The following RBMS3 variants were observed in gnomAD, a reference collection of about 807,000 sequenced individuals.
RBMS3 encodes RNA binding motif single stranded interacting protein 3.
In RBMS3, 27 loss-of-function variants were observed where a neutral mutation model predicts 66.8. That is an observed-to-expected ratio of 0.40 (90% CI 0.30 to 0.56). The LOEUF (loss-of-function observed/expected upper bound fraction) is 0.56, where lower values mean the gene tolerates loss of function less well. Among genes scored for constraint, RBMS3 ranks in the 20% least tolerant of loss-of-function variants. The pLI, the probability that RBMS3 is intolerant of heterozygous loss-of-function variation, is 0.40. For missense variants in RBMS3, 513 were observed against 549.5 expected, an observed-to-expected ratio of 0.93 and a Z score of 0.66; for synonymous variants, 188 against 183.0, an observed-to-expected ratio of 1.03 and a Z score of -0.22.
chr3:29,312,990 A>G (rs558295719), intron 1 of RBMS3, among the ~76,000 whole-genome samples: 143 of 151,828 alleles, frequency 9.4e-4, no homozygotes, highest in African/African-American at 3.4e-3. Flanking sequence ...ATGGAGAAGG[A>G]TGAGAGAGTC....
At chr3:29,972,503 A>G (rs189925830) in intron 12 of RBMS3, among the ~76,000 whole-genome samples, 1 of 151,998 alleles carries the variant, frequency 6.6e-6, no homozygotes, top group East Asian at 1.9e-4. Context: ...TCTTGGATCA[A>G]CCTCTAATAT....
chr3:29,878,280 C>T (rs904479531), intron 7 of RBMS3, among the ~76,000 whole-genome samples: 1 of 152,156 alleles, frequency 6.6e-6, no homozygotes, highest in Middle Eastern at 3.4e-3. Context: ...TTTGCGGCCC[C>T]AGGGTTGGAG....
intron 8 of RBMS3, among the ~76,000 whole-genome samples, chr3:29,890,534 C>A (rs887324213): frequency 6.6e-6 from 1 of 151,540 alleles, no homozygotes; most frequent in African/African-American, 2.4e-5. Flanking sequence ...TATTGTTCAA[C>A]GTTGCTTAAT....
chr3:29,300,424 A>C (rs182897278), intron 1 of RBMS3, among the ~76,000 whole-genome samples: 1 of 152,132 alleles, frequency 6.6e-6, no homozygotes, highest in African/African-American at 2.4e-5. Flanking sequence ...CAATAAAGGA[A>C]TAGATTAAAT....
intron 1 of RBMS3, among the ~76,000 whole-genome samples, chr3:29,362,238 C>T (rs549959393): frequency 2.5e-4 from 38 of 152,208 alleles, no homozygotes; most frequent in African/African-American, 9.1e-4. Flanking sequence ...TGTGGATGTC[C>T]TTTCTGTTTG....
At chr3:29,702,675 C>T (rs899975998) in intron 4 of RBMS3, among the ~76,000 whole-genome samples, 1 of 152,138 alleles carries the variant, frequency 6.6e-6, no homozygotes, top group East Asian at 1.9e-4. Context: ...GAATGAACAA[C>T]TCTGGATGAG....
Position 29,657,317 on chromosome 3 carries a change from T to A in RBMS3, c.399+70112T>A, listed in dbSNP as rs367917413. 1.2e-4 allele frequency among the ~76,000 whole-genome samples: 19 copies of A among 152,368 alleles called. No individual in the cohort carries two copies. The East Asian group carries it at 3.1e-3, about 25-fold the overall frequency. On this transcript the variant is annotated intron_variant, in intron 4 of 14. Transcript: ENST00000383767. ...TACTCTGTTGCAGCTCTGCAGCTAT[T>A]ATACTAGCTTCTCGATTTTCATTAA... is the stretch of plus-strand genomic sequence containing the variant.
chr3:29,747,451 T>TAGATA (rs1553655865), intron 5 of RBMS3, among the ~76,000 whole-genome samples: 13 of 145,066 alleles, frequency 9.0e-5, no homozygotes, highest in African/African-American at 2.1e-4. Context: ...GATAGATAGA[T>TAGATA]GTCAGGTCAC....
chr3:29,413,246 T>C (rs1245829987), intron 1 of RBMS3, among the ~76,000 whole-genome samples: 3 of 152,168 alleles, frequency 2.0e-5, no homozygotes, highest in Non-Finnish European at 4.4e-5. Context: ...GGTGTGCACC[T>C]GTAATCCCAG....
intron 3 of RBMS3, among the ~76,000 whole-genome samples, chr3:29,499,355 GA>G (rs1315102582): frequency 6.6e-6 from 1 of 151,944 alleles, no homozygotes; most frequent in African/African-American, 2.4e-5. Flanking sequence ...TCTGGGGTAT[GA>G]AAGAGAAAAA....
At chr3:29,666,351 T>C (rs1356562639) in intron 4 of RBMS3, among the ~76,000 whole-genome samples, 1 of 152,236 alleles carries the variant, frequency 6.6e-6, no homozygotes, top group Non-Finnish European at 1.5e-5. Context: ...ATTTTTGCAA[T>C]TGTTACTGCT....
Position 29,336,313 on chromosome 3 carries a change from C to T in RBMS3, c.75+54557C>T, listed in dbSNP as rs553420386. On this transcript the variant is annotated intron_variant, in intron 1 of 14. Coordinates refer to ENST00000383767, the MANE Select transcript of RBMS3 (RefSeq NM_001003793.3). ...GGATGCTTTCTGATCCAAACTATACCATGGCAGTTGTGTTTTTTTGCAAGG... is the reference window on the plus strand; with the variant it reads ...GGATGCTTTCTGATCCAAACTATACTATGGCAGTTGTGTTTTTTTGCAAGG... Among the ~76,000 whole-genome samples, 4 of 152,204 alleles carry T rather than the reference C, an allele frequency of 2.6e-5. No individual in the cohort carries two copies. The East Asian group carries it at 5.8e-4, about 22-fold the overall frequency.
At chr3:29,636,504 G>A (rs2049479499) in intron 4 of RBMS3, among the ~76,000 whole-genome samples, 1 of 151,888 alleles carries the variant, frequency 6.6e-6, no homozygotes, top group South Asian at 2.1e-4. Context: ...TGGAAGGCTG[G>A]TAATCTGTTT....
At chr3:29,521,546 A>G (rs1228799257) in intron 3 of RBMS3, among the ~76,000 whole-genome samples, 1 of 152,184 alleles carries the variant, frequency 6.6e-6, no homozygotes, top group African/African-American at 2.4e-5. Context: ...TACTGGGAGT[A>G]AACTTTCTTT....
intron 4 of RBMS3, among the ~76,000 whole-genome samples, chr3:29,626,495 G>T (rs2049065542): frequency 6.6e-6 from 1 of 152,106 alleles, no homozygotes; most frequent in African/African-American, 2.4e-5. Flanking sequence ...TGGCAAAGTG[G>T]CAATGAGTGG....
chr3:29,433,639 A>G (rs2041290560), intron 1 of RBMS3, among the ~76,000 whole-genome samples: 1 of 152,164 alleles, frequency 6.6e-6, no homozygotes, highest in Non-Finnish European at 1.5e-5. Context: ...GCACCACTTA[A>G]AGGTCACATA....
intron 10 of RBMS3, among the ~76,000 whole-genome samples, chr3:29,930,109 C>CTTTCTTTCTTGTTTTTT (rs71091082): frequency 2.3e-5 from 1 of 43,556 alleles, no homozygotes; most frequent in Non-Finnish European, 5.2e-5. Flanking sequence ...TTCTTTCTTT[C>CTTTCTTTCTTGTTTTTT]TTTTTTTTTT....
chr3:29,362,427 A>C (rs2037653606), intron 1 of RBMS3, among the ~76,000 whole-genome samples: 2 of 152,112 alleles, frequency 1.3e-5, no homozygotes, highest in South Asian at 4.1e-4. Context: ...TCAGAGGAGT[A>C]CCCGGCCTTG....
chr3:29,961,964 A>T, intron 12 of RBMS3, among the ~76,000 whole-genome samples: 1 of 144,948 alleles, frequency 6.9e-6, no homozygotes, highest in East Asian at 2.0e-4. Context: ...AGAATTATAC[A>T]TATATATGTA....
Sources: allele counts gnomAD v4.1 joint callset (sites outside exome capture counted in the v4.1 genomes callset), GRCh38; gene constraint gnomAD v4.1.1; transcripts MANE v1.5; gene names NCBI Gene and HGNC (gene_info 2026-07-23, HGNC 2026-07-21).